Variants in THSD4 observed in about 807,000 individuals in gnomAD.
THSD4 encodes the protein thrombospondin type 1 domain containing 4.
THSD4 carries 69 observed loss-of-function variants against 119.0 expected under a neutral mutation model. The observed-to-expected ratio is 0.58, with a 90% CI of 0.48 to 0.71. THSD4 has a LOEUF of 0.71. Among genes scored for constraint, THSD4 ranks in the 30% least tolerant of loss-of-function variants. The probability of loss-of-function intolerance (pLI) is 0.00; values close to 1 mark genes in which losing one functional copy is unlikely to be tolerated. For missense variants in THSD4, 1,393 were observed against 1,391.1 expected, an observed-to-expected ratio of 1.00 and a Z score of -0.02; for synonymous variants, 524 against 540.4, an observed-to-expected ratio of 0.97 and a Z score of 0.42.
chr15:71,283,533 C>T (rs1038698521), intron 6 of THSD4, among the ~76,000 whole-genome samples: 1 of 152,154 alleles, frequency 6.6e-6, no homozygotes, highest in African/African-American at 2.4e-5. Context: ...AAGACTTGGT[C>T]CCTAATAGTA....
intron 7 of THSD4, among the ~76,000 whole-genome samples, chr15:71,481,280 T>C (rs555656223): frequency 6.6e-6 from 1 of 152,356 alleles, no homozygotes; most frequent in African/African-American, 2.4e-5. Flanking sequence ...ATTATTAGGC[T>C]TCTATGGAAA....
intron 7 of THSD4, among the ~76,000 whole-genome samples, chr15:71,610,116 C>A (rs1174137928): frequency 6.6e-6 from 1 of 152,178 alleles, no homozygotes; most frequent in East Asian, 1.9e-4. Flanking sequence ...TCGCTAACTT[C>A]AAGAAGAGCA....
At chr15:71,310,814 T>C (rs189130472) in intron 6 of THSD4, among the ~76,000 whole-genome samples, 1 of 152,296 alleles carries the variant, frequency 6.6e-6, no homozygotes, top group East Asian at 1.9e-4. Flanking sequence ...GGGATTCACT[T>C]TCTCTGTCTA....
intron 7 of THSD4, among the ~76,000 whole-genome samples, chr15:71,477,992 G>T (rs531193797): frequency 2.0e-5 from 3 of 152,338 alleles, no homozygotes; most frequent in South Asian, 4.1e-4. Context: ...CAAGCCCCAA[G>T]GCTTGGAGGC....
At chr15:71,124,206 A>G (rs1403972510) in intron 1 of THSD4, among the ~76,000 whole-genome samples, 2 of 152,244 alleles carry the variant, frequency 1.3e-5, no homozygotes, top group African/African-American at 4.8e-5. Flanking sequence ...TGTTGCAACT[A>G]ATCAGCTTTG....
intron 8 of THSD4, among the ~76,000 whole-genome samples, chr15:71,713,958 T>C (rs1478787451): frequency 6.6e-6 from 1 of 152,146 alleles, no homozygotes; most frequent in African/African-American, 2.4e-5. Context: ...TATTTCCTTG[T>C]TCCAATGTGG....
intron 7 of THSD4, among the ~76,000 whole-genome samples, chr15:71,426,787 T>C (rs750187730): frequency 6.6e-5 from 10 of 152,332 alleles, no homozygotes; most frequent in South Asian, 2.1e-4. Flanking sequence ...TATTATGTTA[T>C]AGTTATTTTG....
At chr15:71,467,252 T>C (rs886304705) in intron 7 of THSD4, among the ~76,000 whole-genome samples, 2 of 152,238 alleles carry the variant, frequency 1.3e-5, no homozygotes, top group Non-Finnish European at 2.9e-5. Flanking sequence ...GAAGGAGGAA[T>C]ATCTCATCCA....
chr15:71,264,523 T>C (rs528430287), intron 6 of THSD4, among the ~76,000 whole-genome samples: 1 of 152,344 alleles, frequency 6.6e-6, no homozygotes, highest in South Asian at 2.1e-4. Context: ...TTTGGTTTTG[T>C]ATATGTTGAG....
chr15:71,547,514 T>C (rs1478929455), intron 7 of THSD4: 1 of 1,548,106 alleles, frequency 6.5e-7, no homozygotes, highest in East Asian at 2.4e-5. Context: ...TCAGAAGTTG[T>C]ATTTTTTTTC....
rs138779811 is a variant in THSD4 at position 71,415,035 on chromosome 15, C to T, written c.1152+3212C>T. ...AATATTTGATTGGATGCCCAGAATTCAAATTGATTTCTCTACTTCTCTGAC... is the reference window on the plus strand; with the variant it reads ...AATATTTGATTGGATGCCCAGAATTTAAATTGATTTCTCTACTTCTCTGAC... On this transcript the variant is annotated intron_variant, in intron 7 of 17. Transcript: ENST00000261862. Among the ~76,000 whole-genome samples the T allele has an allele frequency of 1.6e-3, 249 of 152,302 alleles. 2 individuals carry two copies. The highest frequency in any genetic ancestry group is 5.4e-3 in the African/African-American group (226 of 41,560).
At chr15:71,663,051 C>G (rs902667985) in intron 8 of THSD4, among the ~76,000 whole-genome samples, 4 of 152,014 alleles carry the variant, frequency 2.6e-5, no homozygotes, top group Admixed American at 1.3e-4. Context: ...GAGTTCACGA[C>G]CAGCCTGCGC....
chr15:71,774,282 G>A lies in THSD4; in HGVS notation c.2915-2950G>A, dbSNP rs2140252361. On this transcript the variant is annotated intron_variant, in intron 17 of 17. Transcript: ENST00000261862. The stretch of plus-strand genomic sequence containing the variant: ...GCCATGATCGCACTACTGCACTCCA[G>A]CCTGAGTGACAGAGTGAGACTCTGT... 2.1e-5 allele frequency among the ~76,000 whole-genome samples: 3 copies of A among 144,456 alleles called. No individual in the cohort carries two copies. In the South Asian group the frequency reaches 6.6e-4, roughly 32 times the overall value. 94.8% of individuals were successfully genotyped at this position (144,456 alleles called of 152,430 possible). A position where few individuals can be genotyped will look rare whatever the true frequency, so the allele number is the denominator to read the frequency against.
At chr15:71,527,761 G>A (rs557592753) in intron 7 of THSD4, among the ~76,000 whole-genome samples, 2 of 135,508 alleles carry the variant, frequency 1.5e-5, no homozygotes, top group Non-Finnish European at 3.1e-5. Flanking sequence ...TGCCCAGGCT[G>A]GAGTGCAGTG....
At chr15:71,457,144 G>T (rs183832157) in intron 7 of THSD4, among the ~76,000 whole-genome samples, 5 of 152,156 alleles carry the variant, frequency 3.3e-5, no homozygotes, top group African/African-American at 9.7e-5. Context: ...AATTTGGGAG[G>T]CTGAGGCAGG....
intron 7 of THSD4, among the ~76,000 whole-genome samples, chr15:71,466,782 G>A (rs1414978334): frequency 2.0e-5 from 3 of 152,166 alleles, no homozygotes; most frequent in East Asian, 3.9e-4. Flanking sequence ...ATGAAACCTG[G>A]AGGAACTCTA....
At chr15:71,561,863 AACACACACACACACACACACACACACAC>A (rs71154780) in intron 7 of THSD4, among the ~76,000 whole-genome samples, 30 of 130,476 alleles carry the variant, frequency 2.3e-4, no homozygotes, top group South Asian at 5.4e-4. Context: ...TTTTAAAATA[AACACACACACACACACACACACACACAC>A]ACACACACAC....
rs1385446889 is a variant in THSD4 at position 71,256,666 on chromosome 15, C to T, written c.966C>T (p.Asn322=). ...GGGAGGTACAGTGTGCATCCTACAA[C>T]AACAAGCCATTCATGGGCCGGTTTT... The part of the protein sequence containing the change: ...SIREVQCASY[N]NKPFMGRFYE... The change falls in exon 6 of 18, where the codon AAC becomes AAT. Residue 322 remains asparagine (N), a synonymous_variant. Coordinates refer to ENST00000261862, the MANE Select transcript of THSD4 (RefSeq NM_024817.3). 4.3e-6 allele frequency: 7 copies of T among 1,614,050 alleles called. No homozygotes were observed. The South Asian group carries it at 7.7e-5, about 18-fold the overall frequency.
At chr15:71,633,269 CTTTTTTTTTTT>C (rs67682951) in intron 7 of THSD4, among the ~76,000 whole-genome samples, 3 of 63,162 alleles carry the variant, frequency 4.7e-5, no homozygotes, top group South Asian at 7.5e-4. Context: ...TTCTTTCTTT[CTTTTTTTTTTT>C]TTTTTTTTTT....
Sources: gnomAD v4.1 joint callset for allele counts (sites outside exome capture counted in the v4.1 genomes callset) on GRCh38, gnomAD v4.1.1 for gene constraint, MANE v1.5 for transcripts, NCBI Gene and HGNC (gene_info 2026-07-23, HGNC 2026-07-21) for gene names.